Variants in ESR1 observed in about 807,000 individuals in gnomAD.
ESR1 encodes estrogen receptor.
ESR1 carries 12 observed loss-of-function variants against 52.7 expected under a neutral mutation model. The ratio of observed to expected loss-of-function variants is 0.23; its 90% CI spans 0.15 to 0.37. The LOEUF is 0.37. ESR1 is among the 10% of genes least tolerant of loss of function. ESR1 has a pLI of 1.00. For synonymous variants in ESR1, 305 were observed against 316.8 expected, an observed-to-expected ratio of 0.96 and a Z score of 0.39; for missense variants, 584 against 779.7, an observed-to-expected ratio of 0.75 and a Z score of 2.99.
chr6:151,748,067 C>T (rs6940035), intron 2 of ESR1, among the ~76,000 whole-genome samples: 12,227 of 152,012 alleles, frequency 0.08, 1,668 homozygotes, highest in African/African-American at 0.28. Context: ...AATGGCTGTA[C>T]GATTTTACAT....
chr6:151,849,992 A>ATATAATTTTTTATATATATACAAAAT (rs1554268078), intron 2 of ESR1, among the ~76,000 whole-genome samples: 4 of 103,124 alleles, frequency 3.9e-5, no homozygotes, highest in Non-Finnish European at 7.8e-5. Flanking sequence ...ATATATATAT[A>ATATAATTTTTTATATATATACAAAAT]TATATATATA....
intron 3 of ESR1, among the ~76,000 whole-genome samples, chr6:151,922,601 G>A (rs2031917395): frequency 6.6e-6 from 1 of 152,046 alleles, no homozygotes; most frequent in South Asian, 2.1e-4. Context: ...TCATTGTAGG[G>A]TTTTTTAAAA....
rs2128525734 is a variant in ESR1, at chr6:151,944,162, T to C, written c.761-11T>C. 1 of 1,609,408 alleles carries C rather than the reference T, an allele frequency of 6.2e-7. No individual in the cohort carries two copies. The highest frequency in any genetic ancestry group is 1.3e-5 in the African/African-American group (1 of 74,904). ...AAATAAACTAATTTTTTTTTCCACC[T>C]GTGTTTTCAGGGATACGAAAAGACC... On this transcript the variant is annotated splice_polypyrimidine_tract_variant and intron_variant, in intron 3 of 7. Transcript: ENST00000206249.
intron 2 of ESR1, among the ~76,000 whole-genome samples, chr6:151,704,799 C>G (rs1361889155): frequency 6.6e-6 from 1 of 151,986 alleles, no homozygotes; most frequent in Non-Finnish European, 1.5e-5. Context: ...CGAACTAAGG[C>G]TTAGAAAAAT....
At chr6:151,688,395 G>A (rs1582894541), upstream of ESR1, among the ~76,000 whole-genome samples, 1 of 152,322 alleles carries the variant, frequency 6.6e-6, no homozygotes, top group East Asian at 1.9e-4. Context: ...ATGTGAGTTT[G>A]AACCCTGGCC....
At chr6:151,717,800 A>T (rs1781164023) in intron 2 of ESR1, among the ~76,000 whole-genome samples, 1 of 152,200 alleles carries the variant, frequency 6.6e-6, no homozygotes, top group Non-Finnish European at 1.5e-5. Flanking sequence ...GAATTGGATA[A>T]TTGAATTAAT....
At chr6:152,052,504 T>C (rs1350462647) in intron 5 of ESR1, among the ~76,000 whole-genome samples, 1 of 152,186 alleles carries the variant, frequency 6.6e-6, no homozygotes, top group African/African-American at 2.4e-5. Context: ...ATTGGTTACA[T>C]TTTGTTCAAA....
chr6:151,888,929 A>G (rs1794288398), intron 3 of ESR1, among the ~76,000 whole-genome samples: 2 of 152,048 alleles, frequency 1.3e-5, no homozygotes, highest in Admixed American at 1.3e-4. Flanking sequence ...AGATGATTGT[A>G]TGGTTTTTGT....
chr6:151,870,612 T>G (rs2128308605), intron 2 of ESR1, among the ~76,000 whole-genome samples: 1 of 152,162 alleles, frequency 6.6e-6, no homozygotes, highest in East Asian at 1.9e-4. Context: ...TGGAGTCTCA[T>G]TTTCTGCTTC....
At chr6:152,056,796 G>A (rs2047141500) in intron 5 of ESR1, among the ~76,000 whole-genome samples, 2 of 152,168 alleles carry the variant, frequency 1.3e-5, no homozygotes. Context: ...CTCACAGTGG[G>A]AGTCATAGGC....
chr6:151,743,350 C>A (rs894163585), intron 2 of ESR1, among the ~76,000 whole-genome samples: 3 of 152,114 alleles, frequency 2.0e-5, no homozygotes, highest in South Asian at 2.1e-4. Flanking sequence ...TCCTGATGTG[C>A]CTCAGCAATT....
At chr6:152,040,551 G>A (rs1368662702) in intron 5 of ESR1, among the ~76,000 whole-genome samples, 1 of 152,096 alleles carries the variant, frequency 6.6e-6, no homozygotes, top group African/African-American at 2.4e-5. Flanking sequence ...CAAACCATTG[G>A]CTACCTCCCA....
Position 151,808,179 on chromosome 6 carries a change from C to G in ESR1, c.267C>G (p.Phe89Leu). Residue 89 changes from phenylalanine to leucine, a missense_variant, in exon 1 of 8, where the codon TTC becomes TTG. Physicochemically the swap from Phe to Leu is conservative, Grantham distance 22. Around this residue, in one of 6 missense-constraint regions of ESR1, gnomAD observed 251 missense variants for 246.1 expected, o/e 1.02. Coordinates refer to ENST00000206249, the MANE Select transcript of ESR1 (RefSeq NM_000125.4). ...PYGPGSEAAA[F>L]GSNGLGGFPP... ...GCCCCGGGTCTGAGGCTGCGGCGTTCGGCTCCAACGGCCTGGGGGGTTTCC... is the reference window on the plus strand; with the variant it reads ...GCCCCGGGTCTGAGGCTGCGGCGTTGGGCTCCAACGGCCTGGGGGGTTTCC... The G allele has an allele frequency of 6.3e-7, 1 of 1,580,260 alleles. No homozygotes were observed. Among genetic ancestry groups the G allele is most frequent in the East Asian group, 2.3e-5 (1 of 43,076 alleles).
At chr6:151,999,325 T>G (rs1413134128) in intron 4 of ESR1, among the ~76,000 whole-genome samples, 1 of 152,092 alleles carries the variant, frequency 6.6e-6, no homozygotes, top group Non-Finnish European at 1.5e-5. Flanking sequence ...TTTCACAGAG[T>G]TTCTTTAGTT....
chr6:151,881,751 C>T (rs181821818), intron 3 of ESR1, among the ~76,000 whole-genome samples: 21 of 151,938 alleles, frequency 1.4e-4, no homozygotes, highest in African/African-American at 4.4e-4. Flanking sequence ...GGTATGGTGG[C>T]GAGTGCCAGT....
At chr6:151,877,844 C>T (rs928209768) in intron 2 of ESR1, among the ~76,000 whole-genome samples, 3 of 151,870 alleles carry the variant, frequency 2.0e-5, no homozygotes, top group Non-Finnish European at 2.9e-5. Flanking sequence ...GGGTCTCGCT[C>T]TGTTGTCCAT....
chr6:152,029,981 G>A (rs1361425208), intron 5 of ESR1, among the ~76,000 whole-genome samples: 11 of 152,110 alleles, frequency 7.2e-5, no homozygotes, highest in East Asian at 1.9e-4. Flanking sequence ...AGTGGGGGCC[G>A]ATATTACACA....
intron 7 of ESR1, among the ~76,000 whole-genome samples, chr6:152,096,408 C>A (rs147832387): frequency 1.3e-5 from 2 of 152,212 alleles, no homozygotes; most frequent in Non-Finnish European, 2.9e-5. Context: ...CCAGGCACCA[C>A]CCTTTCCGGA....
At chr6:152,010,704 G>A (rs117660938) in intron 4 of ESR1, among the ~76,000 whole-genome samples, 2,573 of 152,150 alleles carry the variant, frequency 0.017, 23 homozygotes, top group South Asian at 0.021. Context: ...ACAGGTTTTG[G>A]CTTCAACAGA....
Sources: gnomAD v4.1 joint callset for allele counts (sites outside exome capture counted in the v4.1 genomes callset) on GRCh38, gnomAD v4.1.1 for gene constraint, gnomAD v4.1.1 regional missense constraint, MANE v1.5 for transcripts, NCBI Gene and HGNC (gene_info 2026-07-23, HGNC 2026-07-21) for gene names.